ASCC3: variants seen among roughly 807,000 people sequenced by gnomAD.
ASCC3 encodes activating signal cointegrator 1 complex subunit 3.
A neutral mutation model predicts 256.3 loss-of-function variants in ASCC3; 158 were observed. The ratio of observed to expected loss-of-function variants is 0.62; its 90% CI spans 0.54 to 0.70. The LOEUF is 0.70. Ranked by LOEUF, ASCC3 falls within the 30% of genes least tolerant of loss-of-function variation. ASCC3 has a pLI of 0.00. For missense variants in ASCC3, 2,259 were observed against 2,626.0 expected (o/e 0.86, Z 3.05); for synonymous variants, 948 against 883.4 (o/e 1.07, Z -1.30).
chr6:100,606,066 C>A (rs1008133061), intron 32 of ASCC3, among the ~76,000 whole-genome samples: 4 of 151,906 alleles, frequency 2.6e-5, no homozygotes, highest in African/African-American at 9.6e-5. Flanking sequence ...ATACAAAAAT[C>A]TTTTCAGCAG....
chr6:100,574,882 A>G (rs1770778962), intron 36 of ASCC3, among the ~76,000 whole-genome samples: 1 of 152,128 alleles, frequency 6.6e-6, no homozygotes, highest in Non-Finnish European at 1.5e-5. Flanking sequence ...AAGTGCAGAA[A>G]GTTAGAAGTT....
In ASCC3 at chr6:100,608,080, G is replaced by GTA. The variant is rs68148772; in HGVS notation, c.4786-994_4786-993dup. On this transcript the variant is annotated intron_variant, in intron 30 of 41. Transcript: ENST00000369162. ...TATACACATATATATACATATATAT[G>GTA]TATATATATCTATATACACATATAT... 2.2e-4 allele frequency among the ~76,000 whole-genome samples: 19 copies of GTA among 84,846 alleles called. No homozygotes were observed. In the South Asian group the frequency reaches 2.8e-3, roughly 12 times the overall value. 55.7% of individuals were successfully genotyped at this position (84,846 alleles called of 152,430 possible).
chr6:100,665,210 T>A lies in ASCC3; in HGVS notation c.2287-2674A>T, dbSNP rs140634655. Among the ~76,000 whole-genome samples, 544 of 152,176 alleles carry A rather than the reference T, an allele frequency of 3.6e-3. 4 individuals are homozygous for A. The highest frequency in any genetic ancestry group is 3.5e-3 in the Non-Finnish European group (238 of 67,978). On this transcript the variant is annotated intron_variant, in intron 14 of 41. Coordinates refer to ENST00000369162, the MANE Select transcript of ASCC3 (RefSeq NM_006828.4). Reference sequence around the variant, plus strand: ...TGGCCAGTTTCACATTCAACCAGCGTCAGTGGCCACCAACTTGGTATATCT... The same window carrying A: ...TGGCCAGTTTCACATTCAACCAGCGACAGTGGCCACCAACTTGGTATATCT...
chr6:100,628,286 A>T (rs1774352230), intron 27 of ASCC3, among the ~76,000 whole-genome samples: 1 of 152,172 alleles, frequency 6.6e-6, no homozygotes, highest in African/African-American at 2.4e-5. Flanking sequence ...TGGTGGTCAA[A>T]GGGTACAATG....
intron 8 of ASCC3, among the ~76,000 whole-genome samples, chr6:100,798,262 T>C (rs2114334863): frequency 6.6e-6 from 1 of 152,216 alleles, no homozygotes; most frequent in Admixed American, 6.5e-5. Flanking sequence ...ATAAAGATAG[T>C]AATATTCATG....
chr6:100,837,314 A>C (rs1265604510), intron 4 of ASCC3, among the ~76,000 whole-genome samples: 1 of 152,106 alleles, frequency 6.6e-6, no homozygotes, highest in African/African-American at 2.4e-5. Flanking sequence ...AACCATTATG[A>C]AAAACAGTAT....
intron 37 of ASCC3, among the ~76,000 whole-genome samples, chr6:100,536,620 C>T (rs535567899): frequency 2.6e-5 from 4 of 152,206 alleles, no homozygotes; most frequent in East Asian, 3.9e-4. Context: ...CCATCCATCA[C>T]CACACCTAGA....
intron 10 of ASCC3, among the ~76,000 whole-genome samples, chr6:100,730,834 T>G (rs574347555): frequency 2.1e-4 from 32 of 152,312 alleles, no homozygotes; most frequent in African/African-American, 7.2e-4. Context: ...ACATTTTTTA[T>G]GTTCCCTTCT....
At chr6:100,675,125 C>A (rs186856398) in intron 14 of ASCC3, among the ~76,000 whole-genome samples, 2 of 121,250 alleles carry the variant, frequency 1.6e-5, no homozygotes, top group African/African-American at 6.3e-5. Context: ...ATTAAGCAAA[C>A]AGTTGTTTTT....
intron 10 of ASCC3, among the ~76,000 whole-genome samples, chr6:100,766,280 C>G (rs2115129315): frequency 6.6e-6 from 1 of 152,176 alleles, no homozygotes; most frequent in South Asian, 2.1e-4. Context: ...TTATTTATAT[C>G]CTCATCCCTA....
At chr6:100,671,937 C>G (rs1490142918) in intron 14 of ASCC3, among the ~76,000 whole-genome samples, 8 of 152,044 alleles carry the variant, frequency 5.3e-5, no homozygotes, top group African/African-American at 1.9e-4. Context: ...TAGTTGCCAT[C>G]TGCCACTCCC....
At chr6:100,860,377 G>A (rs1267398359) in intron 3 of ASCC3, among the ~76,000 whole-genome samples, 1 of 150,454 alleles carries the variant, frequency 6.6e-6, no homozygotes, top group Non-Finnish European at 1.5e-5. Context: ...TAATCTTAAG[G>A]GAAGAATCAA....
chr6:100,608,109 TATATATATCTATATATAC>T (rs1773038059), intron 30 of ASCC3, among the ~76,000 whole-genome samples: 2 of 126,284 alleles, frequency 1.6e-5, no homozygotes, highest in African/African-American at 6.1e-5. Context: ...CATATATATG[TATATATATCTATATATAC>T]ATATATATGT....
intron 11 of ASCC3, among the ~76,000 whole-genome samples, chr6:100,725,045 AT>A (rs1779560343): frequency 2.6e-5 from 4 of 151,932 alleles, no homozygotes; most frequent in African/African-American, 9.7e-5. Flanking sequence ...TGCTCAGGGG[AT>A]AAGTAAGTTA....
rs1253880312 is a variant in ASCC3 at position 100,714,702 on chromosome 6, TAAAACC to T, written c.2151+754_2151+759del. Among the ~76,000 whole-genome samples, 12 of 152,246 alleles carry T rather than the reference TAAAACC, an allele frequency of 7.9e-5. No individual in the cohort carries two copies. The Middle Eastern group carries it at 0.024, about 302-fold the overall frequency. ...TTGTGATTTCCGAAAAAGTTATTCT[TAAAACC>T]AAGCACAATCTCTAGAGATTAGTTA... On this transcript the variant is annotated intron_variant, in intron 13 of 41. Transcript: ENST00000369162.
chr6:100,833,022 T>C (rs949735235), intron 4 of ASCC3, among the ~76,000 whole-genome samples: 1 of 152,254 alleles, frequency 6.6e-6, no homozygotes, highest in Admixed American at 6.5e-5. Flanking sequence ...AAAATCTTAT[T>C]TTTAATTGCC....
At chr6:100,748,213 T>A (rs1432006764) in intron 10 of ASCC3, among the ~76,000 whole-genome samples, 1 of 151,966 alleles carries the variant, frequency 6.6e-6, no homozygotes. Context: ...CTTTTTCTTT[T>A]GTCTTTGAAT....
At chr6:100,801,769 G>T (rs1431603213) in intron 5 of ASCC3, among the ~76,000 whole-genome samples, 1 of 151,404 alleles carries the variant, frequency 6.6e-6, no homozygotes, top group African/African-American at 2.4e-5. Context: ...TATAATTAGT[G>T]TTCAGTATTA....
In ASCC3 at chr6:100,545,341, C is replaced by T. The variant is rs180693947; in HGVS notation, c.5551-4954G>A. On this transcript the variant is annotated intron_variant, in intron 36 of 41. Coordinates refer to ENST00000369162, the MANE Select transcript of ASCC3 (RefSeq NM_006828.4). The stretch of plus-strand genomic sequence containing the variant: ...TACAGGCGTGTGCCAGCACACCTGG[C>T]TAATTTTTTCATTTTTAGTAGAGAC... Among the ~76,000 whole-genome samples the T allele has an allele frequency of 2.0e-4, 31 of 152,282 alleles. 1 individual carries two copies. The highest frequency in any genetic ancestry group is 1.7e-3 in the Admixed American group (26 of 15,298).
Sources: gnomAD v4.1 joint callset for allele counts (sites outside exome capture counted in the v4.1 genomes callset) on GRCh38, gnomAD v4.1.1 for gene constraint, MANE v1.5 for transcripts, NCBI Gene and HGNC (gene_info 2026-07-23, HGNC 2026-07-21) for gene names.